Variants in RFNG observed in about 807,000 individuals in gnomAD.
RFNG encodes beta-1,3-N-acetylglucosaminyltransferase radical fringe.
Under a neutral mutation model 29.6 loss-of-function variants are expected in RFNG, and 37 were observed. The ratio of observed to expected loss-of-function variants is 1.25; its 90% CI spans 0.96 to 1.65. RFNG has a LOEUF of 1.65. RFNG is among the 40% of genes most tolerant of loss of function. The pLI, the probability that RFNG is intolerant of heterozygous loss-of-function variation, is 0.00. For missense variants in RFNG, 546 were observed against 457.0 expected, an observed-to-expected ratio of 1.19 and a Z score of -1.78; for synonymous variants, 276 against 197.3, an observed-to-expected ratio of 1.40 and a Z score of -3.34.
At position 82,049,789 on chromosome 17, in the gene RFNG, G is replaced by A. The variant is rs2030165115; in HGVS notation, c.716C>T (p.Thr239Ile). The part of the protein sequence containing the change: ...AEQVRLPDDC[T>I]VGYIVEGLLG... ...GAGCCCCTCCACGATGTAGCCAACTGTGCAGTCATCCGGCAGCCGCACCTG... is the reference window on the plus strand; with the variant it reads ...GAGCCCCTCCACGATGTAGCCAACTATGCAGTCATCCGGCAGCCGCACCTG... Residue 239 changes from threonine (T) to isoleucine (I), a missense_variant, in exon 6 of 8, where the codon ACA (threonine) becomes ATA (isoleucine). Physicochemically the swap from Thr to Ile is moderately conservative, Grantham distance 89. Coordinates refer to ENST00000310496, the MANE Select transcript of RFNG (RefSeq NM_002917.2). 2 of 1,544,412 alleles carry A rather than the reference G, an allele frequency of 1.3e-6. No homozygotes were observed. The highest frequency in any genetic ancestry group is 1.4e-5 in the African/African-American group (1 of 72,686).
In RFNG at chr17:82,049,243, G is replaced by A. The variant is rs1253067768; in HGVS notation, c.829-127C>T. The stretch of plus-strand genomic sequence containing the variant: ...CTCCCCAGGCCCTCGGGGAGGCCAG[G>A]CTTGGAAACAGCATTGAAGCATGGC... On this transcript the variant is annotated intron_variant, in intron 6 of 7. Coordinates refer to ENST00000310496, the MANE Select transcript of RFNG (RefSeq NM_002917.2). 5.2e-6 allele frequency: 4 copies of A among 772,740 alleles called. 1 individual carries two copies. Among genetic ancestry groups the A allele is most frequent in the Middle Eastern group, 2.2e-4 (1 of 4,486 alleles). The allele number at this position is 772,740 out of a possible 1,614,324, so 47.9% of individuals were successfully genotyped here.
chr17:82,050,466 T>C lies in RFNG; in HGVS notation c.509A>G (p.Tyr170Cys). 1 of 1,612,792 alleles carries C rather than the reference T, an allele frequency of 6.2e-7. No individual in the cohort carries two copies. Among genetic ancestry groups the C allele is most frequent in the Non-Finnish European group, 8.5e-7 (1 of 1,179,830 alleles). The change falls in exon 4 of 8, where the codon TAC becomes TGC. Residue 170 changes from tyrosine to cysteine, a missense_variant. Tyr to Cys is a radical substitution (Grantham distance 194, BLOSUM62 -2). Coordinates refer to ENST00000310496, the MANE Select transcript of RFNG (RefSeq NM_002917.2). Reference protein sequence around the residue: ...LSSFSPSQDVYLGRPSLDHPI... With the variant: ...LSSFSPSQDVCLGRPSLDHPI... ...GTGGTCCAGGCTGGGCCGCCCCAGG[T>C]AGACGTCCTGGCTGGGTGAGAAGCT...
At position 82,051,356 on chromosome 17, in the gene RFNG, A is replaced by G; in HGVS notation, c.268-14T>C. On this transcript the variant is annotated splice_polypyrimidine_tract_variant and intron_variant, in intron 1 of 7. Coordinates refer to ENST00000310496, the MANE Select transcript of RFNG (RefSeq NM_002917.2). This position sits in a 1 kb window ranked among gnomAD's most constrained non-coding sequence, Gnocchi z 4.1. Reference sequence around the variant, plus strand: ...GAAGATAAACGTCTGGGGGAGAAACAATCTATGAGGCTTCTGGGGCGCTGC... The same window carrying G: ...GAAGATAAACGTCTGGGGGAGAAACGATCTATGAGGCTTCTGGGGCGCTGC... 4 of 1,464,992 alleles carry G rather than the reference A, an allele frequency of 2.7e-6. No individual in the cohort carries two copies. Among genetic ancestry groups the G allele is most frequent in the Non-Finnish European group, 2.7e-6 (3 of 1,117,988 alleles). The allele number at this position is 1,464,992 out of a possible 1,614,324, so 90.7% of individuals were successfully genotyped here.
chr17:82,050,654 C>T lies in RFNG; in HGVS notation c.419+8G>A. ...GAGCTCTCTGCGGGTCGGGTCAGCG[C>T]CGCGTACTTGCGCCCGGACTCAATG... On this transcript the variant is annotated splice_region_variant and intron_variant, in intron 3 of 7. Coordinates refer to ENST00000310496, the MANE Select transcript of RFNG (RefSeq NM_002917.2). The T allele has an allele frequency of 6.2e-7, 1 of 1,612,898 alleles. No individual in the cohort carries two copies. The highest frequency in any genetic ancestry group is 8.5e-7 in the Non-Finnish European group (1 of 1,179,758).
rs1249376314 is a variant in RFNG, at chr17:82,049,455, T to C, written c.828+222A>G. ...CATGGGGCCTCACTGGCCCGAGAACTGTGCTTCTCCCCTCGTTCCTCTGCC... is the reference window on the plus strand; with the variant it reads ...CATGGGGCCTCACTGGCCCGAGAACCGTGCTTCTCCCCTCGTTCCTCTGCC... On this transcript the variant is annotated intron_variant, in intron 6 of 7. Transcript: ENST00000310496. The C allele has an allele frequency of 7.0e-6, 5 of 714,658 alleles. No individual in the cohort carries two copies. The Admixed American group carries it at 1.0e-4, about 14-fold the overall frequency. The allele number at this position is 714,658 out of a possible 1,614,324, so 44.3% of individuals were successfully genotyped here.
chr17:82,049,863 A>C (rs1218736664), intron 5 of RFNG, 21 bp from the exon 6 acceptor site: 3 of 1,610,786 alleles, frequency 1.9e-6, no homozygotes, highest in Non-Finnish European at 2.5e-6. Flanking sequence ...GCCGGTCAGC[A>C]CCTTTCAGGT....
Position 82,048,610 on chromosome 17 carries a change from G to T in RFNG, c.*116C>A. 1 of 801,314 alleles carries T rather than the reference G, an allele frequency of 1.2e-6. No individual in the cohort carries two copies. The highest frequency in any genetic ancestry group is 2.1e-6 in the Non-Finnish European group (1 of 469,402). 49.6% of individuals were successfully genotyped at this position (801,314 alleles called of 1,614,324 possible). A position where few individuals can be genotyped will look rare whatever the true frequency, so the allele number is the denominator to read the frequency against. On this transcript the variant is annotated 3_prime_UTR_variant, in exon 8 of 8. Transcript: ENST00000310496. ...AGGCTAGCCAGAGGGTCTGCCAGGT[G>T]CCTGCATCTCACTGGTGTGGCCGTG... is the stretch of plus-strand genomic sequence containing the variant.
chr17:82,050,195 A>G (rs1264600033), intron 4 of RFNG, 189 bp from the exon 5 acceptor site: 2 of 776,750 alleles, frequency 2.6e-6, no homozygotes, highest in African/African-American at 3.5e-5. Flanking sequence ...GACCCTCCCC[A>G]CCTGGCCCAG....
Position 82,048,475 on chromosome 17 carries a change from G to A in RFNG, c.*251C>T. On this transcript the variant is annotated 3_prime_UTR_variant, in exon 8 of 8. Transcript: ENST00000310496. Reference sequence around the variant, plus strand: ...CTGTTCCCGTGGGATCAACCTTGGGGCTGGGTCGGGGGGAGGGGCACTGCG... The same window carrying A: ...CTGTTCCCGTGGGATCAACCTTGGGACTGGGTCGGGGGGAGGGGCACTGCG... 1.9e-6 allele frequency: 1 copy of A among 540,048 alleles called. No homozygotes were observed. The highest frequency in any genetic ancestry group is 3.4e-6 in the Non-Finnish European group (1 of 297,392). The allele number at this position is 540,048 out of a possible 1,614,324, so 33.5% of individuals were successfully genotyped here.
chr17:82,050,627 C>T (rs1317872199), intron 3 of RFNG, 35 bp downstream of exon 3: 6 of 1,610,734 alleles, frequency 3.7e-6, no homozygotes, highest in Non-Finnish European at 5.1e-6. Context: ...CAGCTTGGCT[C>T]TGAGCTCTCT....
chr17:82,048,993 G>GC lies in RFNG; in HGVS notation c.914+37dup. 3.1e-6 allele frequency: 5 copies of GC among 1,597,402 alleles called. No individual in the cohort carries two copies. The South Asian group carries it at 3.3e-5, about 11-fold the overall frequency. On this transcript the variant is annotated intron_variant, in intron 7 of 7. Coordinates refer to ENST00000310496, the MANE Select transcript of RFNG (RefSeq NM_002917.2). ...AGAGGGAGCTGATGCCAGAGCCCCTGCGGGGCCGAGGGCCTGCCCATGCCA... is the reference window on the plus strand; with the variant it reads ...AGAGGGAGCTGATGCCAGAGCCCCTGCCGGGGCCGAGGGCCTGCCCATGCCA...
At chr17:82,050,062 C>T (rs528430163) in intron 4 of RFNG, 56 bp from the exon 5 acceptor site, 3 of 1,378,750 alleles carry the variant, frequency 2.2e-6, no homozygotes, top group Admixed American at 3.8e-5. Flanking sequence ...ACCCCTGACT[C>T]TTCATGGGAC....
At chr17:82,050,920 C>T (rs2030440950) in intron 2 of RFNG, 156 bp from the exon 3 acceptor site, 6 of 1,407,230 alleles carry the variant, frequency 4.3e-6, no homozygotes, top group Non-Finnish European at 5.6e-6. Flanking sequence ...AGCCCTCACG[C>T]GCTGACCCTG....
intron 7 of RFNG, 101 bp from the exon 8 acceptor site, chr17:82,048,908 AG>A (rs2030087771): frequency 7.0e-7 from 1 of 1,424,210 alleles, no homozygotes; most frequent in Admixed American, 1.7e-5. Flanking sequence ...CCGTGGGTAC[AG>A]GGAGAAGCCG....
At position 82,049,917 on chromosome 17, in the gene RFNG, C is replaced by T; in HGVS notation, c.662+1G>A. ...GCCCGGGCAGCTGGACCCCCACTCA[C>T]CTGGCCCATGGGCTCATCTTGAGGG... On this transcript the variant is annotated splice_donor_variant, in intron 5 of 7. Coordinates refer to ENST00000310496, the MANE Select transcript of RFNG (RefSeq NM_002917.2). LOFTEE classifies it high-confidence loss of function. 6.8e-6 allele frequency: 11 copies of T among 1,612,124 alleles called. No individual in the cohort carries two copies. Among genetic ancestry groups the T allele is most frequent in the Non-Finnish European group, 9.3e-6 (11 of 1,179,646 alleles).
rs1466791581 is a variant in RFNG, at chr17:82,050,720, G to C, written c.361C>G (p.Gln121Glu). The C allele has an allele frequency of 6.2e-7, 1 of 1,613,256 alleles. No individual in the cohort carries two copies. Among genetic ancestry groups the C allele is most frequent in the Non-Finnish European group, 8.5e-7 (1 of 1,179,968 alleles). Residue 121 changes from glutamine to glutamate, a missense_variant, in exon 3 of 8, where the codon CAG (glutamine) becomes GAG (glutamate). Coordinates refer to ENST00000310496, the MANE Select transcript of RFNG (RefSeq NM_002917.2). ...NTNCSAVRTR[Q>E]ALCCKMSVEY... is the part of the protein sequence containing the mutation. ...ACGGACATCTTGCAGCAGAGGGCCTGACGAGTGCGCACCGCCGAGCAGTTG... is the reference window on the plus strand; with the variant it reads ...ACGGACATCTTGCAGCAGAGGGCCTCACGAGTGCGCACCGCCGAGCAGTTG...
intron 4 of RFNG, 57 bp from the exon 5 acceptor site, chr17:82,050,063 T>C (rs1488258403): frequency 7.2e-7 from 1 of 1,382,776 alleles, no homozygotes; most frequent in African/African-American, 1.4e-5. Context: ...CCCCTGACTC[T>C]TCATGGGACT....
chr17:82,051,173 C>T lies in RFNG; in HGVS notation c.316+121G>A. ...CGTGACCTGGGCAGCGTCGGGGCCT[C>T]CCCGGGCCTCGGGAGCCTGGGCAGA... On this transcript the variant is annotated intron_variant, in intron 2 of 7. Transcript: ENST00000310496. This position sits in a 1 kb window ranked among gnomAD's most constrained non-coding sequence, Gnocchi z 4.1. The T allele has an allele frequency of 7.7e-7, 1 of 1,302,934 alleles. No individual in the cohort carries two copies. Among genetic ancestry groups the T allele is most frequent in the Non-Finnish European group, 9.8e-7 (1 of 1,023,476 alleles). 80.7% of individuals were successfully genotyped at this position (1,302,934 alleles called of 1,614,324 possible).
intron 4 of RFNG, 125 bp downstream of exon 4, chr17:82,050,277 G>T: frequency 8.5e-7 from 1 of 1,173,936 alleles, no homozygotes; most frequent in Non-Finnish European, 1.2e-6. Flanking sequence ...AAACCACCTG[G>T]GTGGATCAGC....
Sources: gnomAD v4.1 joint callset for allele counts on GRCh38, gnomAD v4.1.1 for gene constraint, Gnocchi (gnomAD v3.1) non-coding constraint, MANE v1.5 for transcripts, NCBI Gene and HGNC (gene_info 2026-07-23, HGNC 2026-07-21) for gene names.